CC2D2B: variants seen among roughly 807,000 people sequenced by gnomAD.
CC2D2B encodes the protein protein CC2D2B.
CC2D2B carries 128 observed loss-of-function variants against 161.2 expected under a neutral mutation model. The observed-to-expected ratio is 0.79, with a 90% CI of 0.69 to 0.92. The LOEUF is 0.92. Among genes scored for constraint, CC2D2B ranks in the 40% least tolerant of loss-of-function variants. CC2D2B has a pLI of 0.00. For missense variants in CC2D2B, 1,173 were observed against 1,375.1 expected (o/e 0.85, Z 2.32); for synonymous variants, 391 against 449.8 (o/e 0.87, Z 1.65).
chr10:95,967,438 T>C (rs991149453), intron 14 of CC2D2B, among the ~76,000 whole-genome samples: 8 of 151,544 alleles, frequency 5.3e-5, no homozygotes, highest in African/African-American at 1.9e-4. Flanking sequence ...TGCAAAGCCA[T>C]TGCCATCCGA....
chr10:95,961,285 T>C (rs2076750587), intron 11 of CC2D2B, among the ~76,000 whole-genome samples: 1 of 152,144 alleles, frequency 6.6e-6, no homozygotes, highest in Non-Finnish European at 1.5e-5. Flanking sequence ...CCCAGTGCTT[T>C]AGGAGGCTGA....
intron 17 of CC2D2B, among the ~76,000 whole-genome samples, chr10:95,980,486 A>G (rs1477710237): frequency 6.6e-6 from 1 of 152,194 alleles, no homozygotes; most frequent in African/African-American, 2.4e-5. Flanking sequence ...TTAAGATTTA[A>G]GCTTTACCTG....
intron 10 of CC2D2B, among the ~76,000 whole-genome samples, chr10:95,953,373 T>TA (rs1047309720): frequency 2.6e-5 from 4 of 152,094 alleles, no homozygotes; most frequent in African/African-American, 9.7e-5. Context: ...GGGTCATTTT[T>TA]AAAAAAATTT....
At chr10:95,921,052 C>G (rs961820561) in intron 2 of CC2D2B, 18 of 152,506 alleles carry the variant, frequency 1.2e-4, no homozygotes, top group Non-Finnish European at 2.9e-5. Flanking sequence ...ACCCTGAGTC[C>G]ACTGGCTGTG....
At chr10:96,029,280 ATATATGTATATATATATATATATATG>A (rs2079947093) in intron 34 of CC2D2B, among the ~76,000 whole-genome samples, 1 of 50,944 alleles carries the variant, frequency 2.0e-5, no homozygotes, top group Non-Finnish European at 3.9e-5. Flanking sequence ...ATATATATAT[ATATATGTATATATATATATATATATG>A]TATATCTATA....
chr10:96,002,208 G>T (rs1296862141), intron 24 of CC2D2B, among the ~76,000 whole-genome samples: 1 of 152,120 alleles, frequency 6.6e-6, no homozygotes, highest in Non-Finnish European at 1.5e-5. Context: ...AATAGGCCAA[G>T]AACAATGTAG....
At chr10:95,956,975 A>G (rs893993648) in intron 11 of CC2D2B, among the ~76,000 whole-genome samples, 3 of 152,166 alleles carry the variant, frequency 2.0e-5, no homozygotes, top group South Asian at 2.1e-4. Context: ...TGAAAAGCCT[A>G]TATTTTGGAA....
intron 3 of CC2D2B, 118 bp from the exon 4 acceptor site, chr10:95,924,196 A>C: frequency 2.0e-6 from 1 of 502,156 alleles, no homozygotes; most frequent in Non-Finnish European, 3.5e-6. Flanking sequence ...AGTTTTCATA[A>C]TTGTCATGAG....
At chr10:95,918,631 T>C (rs1473155530) in intron 2 of CC2D2B, among the ~76,000 whole-genome samples, 1 of 152,206 alleles carries the variant, frequency 6.6e-6, no homozygotes, top group Admixed American at 6.5e-5. Context: ...TCTAAAGCCT[T>C]CTTGTATTTT....
At chr10:95,971,788 C>G (rs2077143193) in intron 15 of CC2D2B, among the ~76,000 whole-genome samples, 1 of 152,028 alleles carries the variant, frequency 6.6e-6, no homozygotes, top group African/African-American at 2.4e-5. Context: ...CTCAAAATTG[C>G]TATGATATTA....
Position 95,938,114 on chromosome 10 carries a change from G to T in CC2D2B, c.460G>T (p.Ala154Ser), listed in dbSNP as rs1257217544. 2 of 1,549,804 alleles carry T rather than the reference G, an allele frequency of 1.3e-6. No individual in the cohort carries two copies. Among genetic ancestry groups the T allele is most frequent in the Non-Finnish European group, 1.7e-6 (2 of 1,145,468 alleles). Residue 154 changes from alanine to serine, a missense_variant, in exon 7 of 35, where the codon GCT becomes TCT. Ala to Ser is a moderately conservative substitution (Grantham distance 99). Coordinates refer to ENST00000646931, the MANE Select transcript of CC2D2B (RefSeq NM_001349008.3). ...FILTDILKVK[A>S]ADYEDDQEQI... ...TTTGACAGATATACTCAAAGTAAAAGCTGCTGACTATGAAGATGATCAAGA... is the reference window on the plus strand; with the variant it reads ...TTTGACAGATATACTCAAAGTAAAATCTGCTGACTATGAAGATGATCAAGA...
intron 15 of CC2D2B, among the ~76,000 whole-genome samples, chr10:95,971,388 CAA>C (rs200214465): frequency 2.0e-4 from 20 of 99,604 alleles, no homozygotes; most frequent in Admixed American, 2.0e-4. Flanking sequence ...GACTCAACCT[CAA>C]AAAAAAAAAA....
intron 14 of CC2D2B, among the ~76,000 whole-genome samples, chr10:95,967,710 A>T (rs2076987972): frequency 6.6e-6 from 1 of 152,196 alleles, no homozygotes; most frequent in African/African-American, 2.4e-5. Context: ...GGGCAACAGA[A>T]AGGGTAACTT....
Position 96,031,870 on chromosome 10 carries a change from T to G in CC2D2B, c.4176T>G (p.Ile1392Met), listed in dbSNP as rs755347682. 15 of 1,613,834 alleles carry G rather than the reference T, an allele frequency of 9.3e-6. No homozygotes were observed. The Admixed American group carries it at 2.5e-4, about 27-fold the overall frequency. The change falls in exon 35 of 35, where the codon ATT becomes ATG. Residue 1392 changes from isoleucine to methionine, a missense_variant. Coordinates refer to ENST00000646931, the MANE Select transcript of CC2D2B (RefSeq NM_001349008.3). The part of the protein sequence containing the change: ...QMPYIDVQSI[I>M]DAVYQTGIHS... The stretch of plus-strand genomic sequence containing the variant: ...CATACATTGATGTACAGTCAATTAT[T>G]GATGCTGTTTATCAAACTGGAATTC...
At chr10:96,031,754 G>GCATAC (rs2080075999) in intron 34 of CC2D2B, 66 bp from the exon 35 acceptor site, 2 of 1,337,740 alleles carry the variant, frequency 1.5e-6, no homozygotes, top group Admixed American at 1.9e-5. Flanking sequence ...TGATCTTTTT[G>GCATAC]CATACAGTAA....
intron 22 of CC2D2B, among the ~76,000 whole-genome samples, chr10:95,993,938 G>GTA (rs1234641421): frequency 1.3e-3 from 50 of 38,294 alleles, no homozygotes; most frequent in East Asian, 1.8e-3. Context: ...GTGTGTGTGT[G>GTA]TGTGTATGTA....
At chr10:95,926,232 A>G (rs2098538153) in intron 5 of CC2D2B, among the ~76,000 whole-genome samples, 1 of 152,176 alleles carries the variant, frequency 6.6e-6, no homozygotes, top group Admixed American at 6.5e-5. Context: ...AGGTCAATCC[A>G]TTGAGTATCA....
At chr10:95,982,884 G>T (rs2141600496) in intron 18 of CC2D2B, among the ~76,000 whole-genome samples, 1 of 152,154 alleles carries the variant, frequency 6.6e-6, no homozygotes, top group African/African-American at 2.4e-5. Context: ...CAATTCTCTT[G>T]CCTCAGCCTC....
intron 30 of CC2D2B, among the ~76,000 whole-genome samples, chr10:96,018,439 A>G (rs1439038727): frequency 2.0e-5 from 3 of 152,122 alleles, no homozygotes; most frequent in South Asian, 2.1e-4. Flanking sequence ...TCCATTTCCT[A>G]TCTCTGCCTG....
Sources: allele counts gnomAD v4.1 joint callset (sites outside exome capture counted in the v4.1 genomes callset), GRCh38; gene constraint gnomAD v4.1.1; transcripts MANE v1.5; gene names NCBI Gene and HGNC (gene_info 2026-07-23, HGNC 2026-07-21).